Variants in PRDM16 observed in about 807,000 individuals in gnomAD.
The protein encoded by PRDM16 is PR/SET domain 16, also known as histone-lysine N-methyltransferase PRDM16.
Under a neutral mutation model 110.6 loss-of-function variants are expected in PRDM16, and 23 were observed. The ratio of observed to expected loss-of-function variants is 0.21; its 90% CI spans 0.15 to 0.29. The LOEUF (loss-of-function observed/expected upper bound fraction) is 0.29. Among genes scored for constraint, PRDM16 ranks in the 10% least tolerant of loss-of-function variants. The pLI is 1.00. For synonymous variants in PRDM16, 799 were observed against 781.8 expected (o/e 1.02, Z -0.37); for missense variants, 1,615 against 1,794.3 (o/e 0.90, Z 1.81).
At chr1:3,405,776 A>T (rs904710033) in intron 8 of PRDM16, 128 bp downstream of exon 8, 9 of 948,066 alleles carry the variant, frequency 9.5e-6, no homozygotes, top group African/African-American at 1.7e-5. Flanking sequence ...TAAAGCACTC[A>T]TGGCAGGTTC....
chr1:3,335,063 G>A (rs1487336817), intron 3 of PRDM16, among the ~76,000 whole-genome samples: 1 of 152,210 alleles, frequency 6.6e-6, no homozygotes, highest in African/African-American at 2.4e-5. Context: ...GGGGTGGCAG[G>A]GAGACCAGGT....
intron 3 of PRDM16, among the ~76,000 whole-genome samples, chr1:3,323,874 G>A (rs1641822351): frequency 6.6e-6 from 1 of 152,208 alleles, no homozygotes; most frequent in African/African-American, 2.4e-5. Context: ...ACCCCCCAGG[G>A]GCTCCCCCGG....
chr1:3,100,473 G>A (rs1642505209), intron 1 of PRDM16, among the ~76,000 whole-genome samples: 1 of 152,026 alleles, frequency 6.6e-6, no homozygotes, highest in Non-Finnish European at 1.5e-5. Flanking sequence ...GGGCAGGTGA[G>A]CTGCTCTCTA....
At chr1:3,264,517 A>G (rs1640241227) in intron 3 of PRDM16, among the ~76,000 whole-genome samples, 1 of 147,958 alleles carries the variant, frequency 6.8e-6, no homozygotes, top group African/African-American at 2.5e-5. Flanking sequence ...GCAGAGGGGC[A>G]TCTGAGAACC....
At chr1:3,271,180 G>A (rs1056935007) in intron 3 of PRDM16, among the ~76,000 whole-genome samples, 11 of 152,224 alleles carry the variant, frequency 7.2e-5, no homozygotes, top group African/African-American at 2.7e-4. Context: ...GACGCCTCCA[G>A]GTCAGAATGA....
intron 3 of PRDM16, among the ~76,000 whole-genome samples, chr1:3,251,545 C>A (rs1262662148): frequency 2.0e-5 from 3 of 152,154 alleles, no homozygotes; most frequent in Non-Finnish European, 4.4e-5. Flanking sequence ...ATCATGGCAC[C>A]TGCAGGGGTC....
At position 3,148,946 on chromosome 1, in the gene PRDM16, G is replaced by T. The variant is rs757844406; in HGVS notation, c.38-37179G>T. Among the ~76,000 whole-genome samples the T allele has an allele frequency of 2.6e-4, 39 of 152,212 alleles. No individual in the cohort carries two copies. Among genetic ancestry groups the T allele is most frequent in the Non-Finnish European group, 5.1e-4 (35 of 68,030 alleles). On this transcript the variant is annotated intron_variant, in intron 1 of 16. Transcript: ENST00000270722. This position sits in a 1 kb window ranked among gnomAD's most constrained non-coding sequence, Gnocchi z 5.0. ...GAGGAGGGGCAGTGGGGAAGGGCTG[G>T]AGCCCAGCTCTACTGGTATCAGGGG...
rs941883834 is a variant in PRDM16, at chr1:3,419,620, T to C, written c.2939+876T>C. Among the ~76,000 whole-genome samples the C allele has an allele frequency of 4.6e-5, 7 of 152,120 alleles. No homozygotes were observed. In the East Asian group the frequency reaches 5.8e-4, roughly 13 times the overall value. On this transcript the variant is annotated intron_variant, in intron 12 of 16. Transcript: ENST00000270722. ...AGGGTGTGTCTGTTCACAGAGGCCATTGGGGATAAAGAGTGCTTCACACGG... is the reference window on the plus strand; with the variant it reads ...AGGGTGTGTCTGTTCACAGAGGCCACTGGGGATAAAGAGTGCTTCACACGG...
At chr1:3,180,123 A>G (rs1404005870) in intron 1 of PRDM16, among the ~76,000 whole-genome samples, 1 of 151,868 alleles carries the variant, frequency 6.6e-6, no homozygotes, top group African/African-American at 2.4e-5. Flanking sequence ...GTTGATCAGA[A>G]GCACCTACTG....
chr1:3,094,663 G>A (rs890875274), intron 1 of PRDM16, among the ~76,000 whole-genome samples: 2 of 152,260 alleles, frequency 1.3e-5, no homozygotes, highest in Non-Finnish European at 2.9e-5. Context: ...TTGCTTATTG[G>A]TGTGAACAGA....
chr1:3,259,529 T>C lies in PRDM16; in HGVS notation c.438+15392T>C, dbSNP rs111766146. ...TCCACATAATCATGAGAAAACTGCA[T>C]TCAAGCAGGTAAACTCACCACCCAA... On this transcript the variant is annotated intron_variant, in intron 3 of 16. Transcript: ENST00000270722. 1.8e-3 allele frequency among the ~76,000 whole-genome samples: 274 copies of C among 152,220 alleles called. 1 individual carries two copies. The highest frequency in any genetic ancestry group is 6.5e-3 in the African/African-American group (269 of 41,544).
chr1:3,291,043 A>G (rs534373523), intron 3 of PRDM16, among the ~76,000 whole-genome samples: 1 of 151,820 alleles, frequency 6.6e-6, no homozygotes, highest in Non-Finnish European at 1.5e-5. Flanking sequence ...GGAGAGATGC[A>G]GGAGGATCGC....
chr1:3,252,661 G>A (rs1014353099), intron 3 of PRDM16, among the ~76,000 whole-genome samples: 21 of 152,150 alleles, frequency 1.4e-4, no homozygotes, highest in African/African-American at 5.1e-4. Flanking sequence ...GGAGAAGGTT[G>A]TAGATCCACT....
intron 1 of PRDM16, among the ~76,000 whole-genome samples, chr1:3,075,954 G>A (rs1023192279): frequency 6.6e-6 from 1 of 152,332 alleles, no homozygotes; most frequent in East Asian, 1.9e-4. Flanking sequence ...GGGGGAGGAG[G>A]AGTCACGCAC....
At chr1:3,366,509 C>T (rs905688327) in intron 3 of PRDM16, among the ~76,000 whole-genome samples, 7 of 152,190 alleles carry the variant, frequency 4.6e-5, no homozygotes, top group Admixed American at 3.9e-4. Context: ...TAGCCTGCTC[C>T]GGGGGCCAGT....
At chr1:3,303,808 G>A (rs60484261) in intron 3 of PRDM16, among the ~76,000 whole-genome samples, 14,226 of 144,294 alleles carry the variant, frequency 0.099, 3,014 homozygotes, top group African/African-American at 0.38. Context: ...GCTGGGGAGC[G>A]CAGGAGGCCG....
At chr1:3,155,457 C>T (rs760899975) in intron 1 of PRDM16, among the ~76,000 whole-genome samples, 40 of 152,296 alleles carry the variant, frequency 2.6e-4, no homozygotes, top group Non-Finnish European at 5.4e-4. Context: ...AGATTTGCAC[C>T]GTGGTGTTCT....
intron 2 of PRDM16, among the ~76,000 whole-genome samples, chr1:3,233,539 G>A (rs576459020): frequency 6.6e-6 from 1 of 152,330 alleles, no homozygotes; most frequent in South Asian, 2.1e-4. Context: ...TTTGGAAGAT[G>A]GAAAACCATT....
chr1:3,181,242 A>ACGCGGTCTTACACAAG (rs201783841), intron 1 of PRDM16, among the ~76,000 whole-genome samples: 2 of 123,790 alleles, frequency 1.6e-5, no homozygotes, highest in Non-Finnish European at 3.5e-5. Context: ...GGTCTTACAC[A>ACGCGGTCTTACACAAG]CAGTCTTACA....
Sources: gnomAD v4.1 joint callset for allele counts (sites outside exome capture counted in the v4.1 genomes callset) on GRCh38, gnomAD v4.1.1 for gene constraint, Gnocchi (gnomAD v3.1) non-coding constraint, MANE v1.5 for transcripts, NCBI Gene and HGNC (gene_info 2026-07-23, HGNC 2026-07-21) for gene names.